The following TBL1X variants were observed in gnomAD, a reference collection of about 807,000 sequenced individuals.
TBL1X encodes the protein F-box-like/WD repeat-containing protein TBL1X.
Under a neutral mutation model 50.7 loss-of-function variants are expected in TBL1X, and 10 were observed. The observed-to-expected ratio is 0.20, with a 90% CI of 0.12 to 0.33. The LOEUF (loss-of-function observed/expected upper bound fraction) is 0.33. Among genes scored for constraint, TBL1X ranks in the 10% least tolerant of loss-of-function variants. The pLI is 1.00. For synonymous variants in TBL1X, 190 were observed against 214.7 expected, an observed-to-expected ratio of 0.88 and a Z score of 1.01; for missense variants, 340 against 504.4, an observed-to-expected ratio of 0.67 and a Z score of 3.12.
intron 2 of TBL1X, among the ~76,000 whole-genome samples, chrX:9,605,917 T>C (rs1426890423): frequency 1.8e-5 from 2 of 112,479 alleles, no homozygotes; most frequent in Non-Finnish European, 3.7e-5. Context: ...TCAGCCCTTG[T>C]ATCAGTTATC....
intron 2 of TBL1X, among the ~76,000 whole-genome samples, chrX:9,548,731 T>A (rs1205892862): frequency 8.9e-6 from 1 of 112,691 alleles, no homozygotes; most frequent in Non-Finnish European, 1.9e-5. Flanking sequence ...CATGGGTACA[T>A]CCAGTTTTAG....
chrX:9,606,498 G>A (rs1213828166), intron 2 of TBL1X, among the ~76,000 whole-genome samples: 1 of 110,799 alleles, frequency 9.0e-6, no homozygotes, highest in Non-Finnish European at 1.9e-5. Context: ...GGGTGACACA[G>A]TGAGACTCTG....
At chrX:9,650,083 G>A (rs183959237) in intron 3 of TBL1X, among the ~76,000 whole-genome samples, 22 of 112,616 alleles carry the variant, frequency 2.0e-4, no homozygotes, top group Non-Finnish European at 2.8e-4. Context: ...GAGCCATTGC[G>A]CCCAGCTGGT....
chrX:9,466,989 C>A (rs1357682228), intron 1 of TBL1X, among the ~76,000 whole-genome samples: 2 of 111,834 alleles, frequency 1.8e-5, no homozygotes, highest in Non-Finnish European at 3.8e-5. Context: ...CTGCCACCCT[C>A]GCTCCCCAAC....
At chrX:9,690,296 A>G (rs2083088908) in intron 7 of TBL1X, among the ~76,000 whole-genome samples, 2 of 112,244 alleles carry the variant, frequency 1.8e-5, no homozygotes, top group Admixed American at 1.9e-4. Flanking sequence ...GCCACACACC[A>G]GGCTGTTTAA....
At chrX:9,618,806 T>C (rs1482991793) in intron 2 of TBL1X, among the ~76,000 whole-genome samples, 1 of 112,670 alleles carries the variant, frequency 8.9e-6, no homozygotes, top group African/African-American at 3.2e-5. Context: ...ATAAATGAAT[T>C]TTTATTAGCT....
intron 17 of TBL1X, 29 bp downstream of exon 17, chrX:9,715,032 G>A (rs763633368): frequency 1.0e-5 from 12 of 1,179,029 alleles, no homozygotes; most frequent in Middle Eastern, 2.3e-4. Context: ...TTGCTGGGGA[G>A]TGGGGTGTTG....
chrX:9,626,057 G>A (rs2082691228), intron 2 of TBL1X, among the ~76,000 whole-genome samples: 1 of 112,183 alleles, frequency 8.9e-6, no homozygotes, highest in Non-Finnish European at 1.9e-5. Flanking sequence ...GTAGTAAAAG[G>A]TCTCCTTGTC....
intron 2 of TBL1X, among the ~76,000 whole-genome samples, chrX:9,527,940 C>T (rs2082140971): frequency 9.0e-6 from 1 of 110,887 alleles, no homozygotes; most frequent in Non-Finnish European, 1.9e-5. Context: ...CGCATCACCA[C>T]GCCAGGCTGA....
In TBL1X at chrX:9,655,938, G is replaced by A. The variant is rs983073993; in HGVS notation, c.211+1616G>A. On this transcript the variant is annotated intron_variant, in intron 5 of 17. Transcript: ENST00000645353. ...GTCAGGCACGTAGCACATTGTAAGT[G>A]CGTGCCTTCCCCATCCAAGCCTGGG... Among the ~76,000 whole-genome samples, 3 of 112,649 alleles carry A rather than the reference G, an allele frequency of 2.7e-5. No homozygotes were observed. In the Admixed American group the frequency reaches 2.8e-4, roughly 11 times the overall value.
chrX:9,464,364 CTG>C (rs1172777025), upstream of TBL1X, among the ~76,000 whole-genome samples: 4 of 111,788 alleles, frequency 3.6e-5, no homozygotes, highest in East Asian at 1.1e-3. Flanking sequence ...GCGCCTATGC[CTG>C]TGTGTCTGAG....
Position 9,697,359 on chromosome X carries a change from C to T in TBL1X, c.1054-10C>T, listed in dbSNP as rs368328125. On this transcript the variant is annotated splice_polypyrimidine_tract_variant and intron_variant, in intron 11 of 17. Transcript: ENST00000645353. ...AGTTACTAACTTTTTCCTTTGTTTG[C>T]GGAACACAGACAACAATAATTTGGG... The T allele has an allele frequency of 1.9e-4, 225 of 1,206,733 alleles. No homozygotes were observed. Among genetic ancestry groups the T allele is most frequent in the Non-Finnish European group, 2.4e-4 (216 of 894,286 alleles).
At chrX:9,706,457 G>A (rs1167761347) in intron 13 of TBL1X, among the ~76,000 whole-genome samples, 1 of 110,481 alleles carries the variant, frequency 9.1e-6, no homozygotes, top group Admixed American at 9.7e-5. Flanking sequence ...ATTTCAAGCA[G>A]AACAAATATA....
intron 1 of TBL1X, among the ~76,000 whole-genome samples, chrX:9,479,987 G>A (rs2081871998): frequency 1.9e-5 from 1 of 52,721 alleles, no homozygotes. Context: ...TTTTGCTCTT[G>A]TTGCCCAGGC....
intron 2 of TBL1X, among the ~76,000 whole-genome samples, chrX:9,601,557 T>C (rs1367584870): frequency 9.0e-6 from 1 of 111,019 alleles, no homozygotes; most frequent in African/African-American, 3.3e-5. Flanking sequence ...GTGTCTTTCA[T>C]CAGCGCCCCC....
chrX:9,466,277 C>T (rs1177250196), intron 1 of TBL1X, among the ~76,000 whole-genome samples: 2 of 112,363 alleles, frequency 1.8e-5, no homozygotes, highest in Admixed American at 9.3e-5. Flanking sequence ...ATGGGGAGTG[C>T]GCCTTCGGGA....
At chrX:9,611,684 T>G (rs1433168656) in intron 2 of TBL1X, among the ~76,000 whole-genome samples, 1 of 112,607 alleles carries the variant, frequency 8.9e-6, no homozygotes, top group Non-Finnish European at 1.9e-5. Flanking sequence ...GGCATTTTGT[T>G]TGGGGTCACC....
chrX:9,509,109 C>A (rs199672122), intron 2 of TBL1X, among the ~76,000 whole-genome samples: 1 of 107,859 alleles, frequency 9.3e-6, no homozygotes, highest in Non-Finnish European at 1.9e-5. Context: ...TAGAAAAAGC[C>A]GGGTGCGGTG....
chrX:9,565,097 C>T (rs984997481), intron 2 of TBL1X, among the ~76,000 whole-genome samples: 10 of 107,961 alleles, frequency 9.3e-5, no homozygotes, highest in Non-Finnish European at 1.2e-4. Flanking sequence ...GGTGAAACCC[C>T]GTCTCTACTA....
Sources: allele counts gnomAD v4.1 joint callset (sites outside exome capture counted in the v4.1 genomes callset), GRCh38; gene constraint gnomAD v4.1.1; transcripts MANE v1.5; gene names NCBI Gene and HGNC (gene_info 2026-07-23, HGNC 2026-07-21).